Variants in TNN observed in about 807,000 individuals in gnomAD.
The protein encoded by TNN is tenascin N, also known as tenascin-N.
In TNN, 122 loss-of-function variants were observed where a neutral mutation model predicts 134.4. That is an observed-to-expected ratio of 0.91 (90% CI 0.78 to 1.06). The LOEUF is 1.06. Among genes scored for constraint, TNN ranks in the 50% least tolerant of loss-of-function variants. The pLI is 0.00. For missense variants in TNN, 1,739 were observed against 1,699.4 expected, an observed-to-expected ratio of 1.02 and a Z score of -0.41; for synonymous variants, 710 against 670.3, an observed-to-expected ratio of 1.06 and a Z score of -0.91.
At position 175,146,953 on chromosome 1, in the gene TNN, A is replaced by T; in HGVS notation, c.3782A>T (p.Lys1261Ile). Residue 1261 changes from lysine to isoleucine, a missense_variant, in exon 19 of 19, where the codon AAA (lysine) becomes ATA (isoleucine). By Grantham distance (102) the Lys-to-Ile change is moderately radical. Transcript: ENST00000239462. ...HSEGVNWEPWKGHEFSIPYVE... is the reference protein window; with the variant it reads ...HSEGVNWEPWIGHEFSIPYVE... ...TAGGGGGTGAACTGGGAGCCTTGGA[A>T]AGGACATGAATTCTCCATTCCTTAC... 2 of 1,565,874 alleles carry T rather than the reference A, an allele frequency of 1.3e-6. No homozygotes were observed. The highest frequency in any genetic ancestry group is 1.7e-6 in the Non-Finnish European group (2 of 1,155,008).
intron 5 of TNN, 67 bp from the exon 6 acceptor site, chr1:175,085,335 GGGA>G (rs1674297443): frequency 1.0e-6 from 1 of 954,368 alleles, no homozygotes; most frequent in Non-Finnish European, 1.7e-6. Context: ...AGAAATCCCA[GGGA>G]GGAGTAGTGC....
chr1:175,123,497 G>A lies in TNN; in HGVS notation c.2748G>A (p.Met916Ile). Residue 916 changes from methionine to isoleucine, a missense_variant, in exon 12 of 19, where the codon ATG becomes ATA. Coordinates refer to ENST00000239462, the MANE Select transcript of TNN (RefSeq NM_022093.2). ...TTCAGGCCACCATTGACAAGTACAT[G>A]GTGCGCTACACCTCTGCTGACGGAG... is the stretch of plus-strand genomic sequence containing the variant. ...DPVQATIDKY[M>I]VRYTSADGET... 6.2e-7 allele frequency: 1 copy of A among 1,614,220 alleles called. No homozygotes were observed. Among genetic ancestry groups the A allele is most frequent in the East Asian group, 2.2e-5 (1 of 44,888 alleles).
In TNN at chr1:175,147,070, G is replaced by A. The variant is rs1299512272; in HGVS notation, c.3899G>A (p.Ter1300=). The A allele has an allele frequency of 6.4e-7, 1 of 1,574,246 alleles. No homozygotes were observed. Among genetic ancestry groups the A allele is most frequent in the Admixed American group, 1.9e-5 (1 of 53,212 alleles). ...CTGAGAGGAAGGCTGCGAACGTTCT[G>A]ATGGCCCGTGTGAGCAGTCCTCGCA... The part of the protein sequence containing the change: ...RTLRGRLRTF[*] The change falls in exon 19 of 19, where the codon TGA becomes TAA. Residue 1300 remains the stop codon, a stop_retained_variant. Coordinates refer to ENST00000239462, the MANE Select transcript of TNN (RefSeq NM_022093.2).
chr1:175,097,531 C>A lies in TNN; in HGVS notation c.1703C>A (p.Ala568Asp), dbSNP rs1674599618. ...IDKYVVRYTS[A>D]DDQETREVLV... Reference sequence around the variant, plus strand: ...AAGTACGTGGTGCGCTACACCTCTGCTGACGACCAAGAGACCAGAGAGGTT... The same window carrying A: ...AAGTACGTGGTGCGCTACACCTCTGATGACGACCAAGAGACCAGAGAGGTT... The change falls in exon 8 of 19, where the codon GCT (alanine) becomes GAT (aspartate). Residue 568 changes from alanine to aspartate, a missense_variant. By Grantham distance (126) the Ala-to-Asp change is moderately radical. Transcript: ENST00000239462. The A allele has an allele frequency of 1.2e-6, 2 of 1,614,222 alleles. No individual in the cohort carries two copies. The highest frequency in any genetic ancestry group is 2.7e-5 in the African/African-American group (2 of 75,054).
chr1:175,068,645 G>C (rs1433729328), intron 1 of TNN, among the ~76,000 whole-genome samples: 1 of 152,212 alleles, frequency 6.6e-6, no homozygotes, highest in South Asian at 2.1e-4. Flanking sequence ...GGTGGCTCAT[G>C]CCTGTAATCC....
intron 9 of TNN, among the ~76,000 whole-genome samples, chr1:175,101,329 G>A (rs183396822): frequency 3.9e-5 from 6 of 152,128 alleles, no homozygotes; most frequent in South Asian, 2.1e-4. Context: ...GGTTCCTCCC[G>A]GTGGGCTCGT....
rs747288247 is a variant in TNN, at chr1:175,147,064, C to A, written c.3893C>A (p.Thr1298Lys). The stretch of plus-strand genomic sequence containing the variant: ...CGGACGCTGAGAGGAAGGCTGCGAA[C>A]GTTCTGATGGCCCGTGTGAGCAGTC... Reference protein sequence around the residue: ...KKRTLRGRLRTF With the variant: ...KKRTLRGRLRKF Residue 1298 changes from threonine to lysine, a missense_variant, in exon 19 of 19, where the codon ACG (threonine) becomes AAG (lysine). By Grantham distance (78) the Thr-to-Lys change is moderately conservative (BLOSUM62 -1). Coordinates refer to ENST00000239462, the MANE Select transcript of TNN (RefSeq NM_022093.2). The A allele has an allele frequency of 6.3e-7, 1 of 1,577,756 alleles. No individual in the cohort carries two copies. Among genetic ancestry groups the A allele is most frequent in the South Asian group, 1.2e-5 (1 of 86,612 alleles).
intron 9 of TNN, among the ~76,000 whole-genome samples, chr1:175,100,990 G>T (rs1424209866): frequency 1.3e-5 from 2 of 152,160 alleles, no homozygotes; most frequent in Non-Finnish European, 2.9e-5. Context: ...TCAACATTTG[G>T]CATTTCTTTG....
Position 175,118,696 on chromosome 1 carries a change from T to A in TNN, c.2522T>A (p.Val841Asp). The A allele has an allele frequency of 6.2e-7, 1 of 1,613,670 alleles. No individual in the cohort carries two copies. The highest frequency in any genetic ancestry group is 8.5e-7 in the Non-Finnish European group (1 of 1,179,916). ...YTSANGETRE[V>D]PVGKEQSSTV... ...TCTGCCAACGGAGAGACCAGGGAGG[T>A]TCCAGTGGGGAAGGAGCAGAGCAGC... is the stretch of plus-strand genomic sequence containing the variant. Residue 841 changes from valine (V) to aspartate (D), a missense_variant, in exon 11 of 19, where the codon GTT becomes GAT. Val to Asp is a radical substitution (Grantham distance 152, BLOSUM62 -3). Coordinates refer to ENST00000239462, the MANE Select transcript of TNN (RefSeq NM_022093.2).
chr1:175,099,652 G>C (rs11806652), intron 9 of TNN, among the ~76,000 whole-genome samples: 1 of 126,920 alleles, frequency 7.9e-6, no homozygotes, highest in Non-Finnish European at 1.7e-5. Context: ...GGAGAGGTGA[G>C]GGGTCAGGAG....
intron 15 of TNN, among the ~76,000 whole-genome samples, chr1:175,129,930 A>G (rs1675633692): frequency 6.6e-6 from 1 of 152,236 alleles, no homozygotes; most frequent in African/African-American, 2.4e-5. Context: ...GAAAGACGGA[A>G]ACTTGGGCAA....
chr1:175,126,932 A>G, intron 12 of TNN, 23 bp from the exon 13 acceptor site: 1 of 1,594,558 alleles, frequency 6.3e-7, no homozygotes, highest in Middle Eastern at 1.7e-4. Context: ...AGTAATAACA[A>G]TTACCTGACT....
chr1:175,082,984 T>G (rs924745236), intron 4 of TNN, among the ~76,000 whole-genome samples: 6 of 97,074 alleles, frequency 6.2e-5, no homozygotes, highest in Non-Finnish European at 1.2e-4. Flanking sequence ...TAACTTCATG[T>G]TTTTTTTTTT....
intron 9 of TNN, 42 bp downstream of exon 9, chr1:175,098,637 GGTCT>G (rs1453542381): frequency 6.2e-7 from 1 of 1,613,064 alleles, no homozygotes; most frequent in African/African-American, 1.3e-5. Context: ...CCATGCTCAG[GGTCT>G]GTCTACATGG....
chr1:175,083,261 C>G (rs1390439047), intron 4 of TNN, among the ~76,000 whole-genome samples: 1 of 152,188 alleles, frequency 6.6e-6, no homozygotes, highest in Non-Finnish European at 1.5e-5. Context: ...GAGGAAGGAG[C>G]TTGTTGGATT....
At position 175,067,918 on chromosome 1, in the gene TNN, C is replaced by T; in HGVS notation, c.-53C>T. On this transcript the variant is annotated 5_prime_UTR_variant, in exon 1 of 19. Transcript: ENST00000239462. Reference sequence around the variant, plus strand: ...ACAGGAGCAGCAGCATTGGAAGAGGCACCCAGCAGCCTCCCAGGTAAGAGT... The same window carrying T: ...ACAGGAGCAGCAGCATTGGAAGAGGTACCCAGCAGCCTCCCAGGTAAGAGT... 2.1e-6 allele frequency: 1 copy of T among 485,852 alleles called. No individual in the cohort carries two copies. The highest frequency in any genetic ancestry group is 4.1e-6 in the Non-Finnish European group (1 of 243,702). The allele number at this position is 485,852 out of a possible 1,614,324, so 30.1% of individuals were successfully genotyped here.
chr1:175,087,017 C>G (rs1674335559), intron 6 of TNN, among the ~76,000 whole-genome samples: 1 of 152,192 alleles, frequency 6.6e-6, no homozygotes, highest in Non-Finnish European at 1.5e-5. Flanking sequence ...AAGTTAAGCT[C>G]AAGATTGCCC....
rs144603425 is a variant in TNN at position 175,098,386 on chromosome 1, C to T, written c.1910C>T (p.Thr637Met). 7.6e-5 allele frequency: 122 copies of T among 1,614,090 alleles called. No homozygotes were observed. The African/African-American group carries it at 1.1e-3, about 15-fold the overall frequency. ...GACCGGGTGACAGAGAATATGGCCA[C>T]GGTCTCCTGGGACCCGGTGCAGGCC... Reference protein sequence around the residue: ...VTDRVTENMATVSWDPVQAAI... With the variant: ...VTDRVTENMAMVSWDPVQAAI... Residue 637 changes from threonine to methionine, a missense_variant, in exon 9 of 19, where the codon ACG becomes ATG. Physicochemically the swap from Thr to Met is moderately conservative, Grantham distance 81. Coordinates refer to ENST00000239462, the MANE Select transcript of TNN (RefSeq NM_022093.2).
chr1:175,142,653 T>G (rs1675968007), intron 17 of TNN, among the ~76,000 whole-genome samples: 1 of 151,798 alleles, frequency 6.6e-6, no homozygotes, highest in Admixed American at 6.6e-5. Flanking sequence ...AGACTCACTC[T>G]GTCACCCAGG....
Sources: gnomAD v4.1 joint callset for allele counts (sites outside exome capture counted in the v4.1 genomes callset) on GRCh38, gnomAD v4.1.1 for gene constraint, MANE v1.5 for transcripts, NCBI Gene and HGNC (gene_info 2026-07-23, HGNC 2026-07-21) for gene names.